The following STK38 variants were observed in gnomAD, a reference collection of about 807,000 sequenced individuals.
STK38 encodes serine/threonine-protein kinase 38.
A neutral mutation model predicts 59.0 loss-of-function variants in STK38; 26 were observed. That is an observed-to-expected ratio of 0.44 (90% CI 0.32 to 0.61). The LOEUF (loss-of-function observed/expected upper bound fraction) is 0.61, where lower values mean the gene tolerates loss of function less well. Ranked by LOEUF, STK38 falls within the 20% of genes least tolerant of loss-of-function variation. The pLI is 0.04. For synonymous variants in STK38, 175 were observed against 176.6 expected, an observed-to-expected ratio of 0.99 and a Z score of 0.07; for missense variants, 433 against 566.0, an observed-to-expected ratio of 0.76 and a Z score of 2.38.
At chr6:36,507,009 G>A (rs1000288928) in intron 8 of STK38, among the ~76,000 whole-genome samples, 1 of 152,150 alleles carries the variant, frequency 6.6e-6, no homozygotes, top group African/African-American at 2.4e-5. Flanking sequence ...TTTCCAAGTA[G>A]TAGTAACTTA....
intron 8 of STK38, 31 bp downstream of exon 8, chr6:36,507,469 C>T (rs531589322): frequency 1.4e-5 from 22 of 1,592,678 alleles, no homozygotes; most frequent in South Asian, 2.2e-5. Flanking sequence ...CCAGTTAGAA[C>T]GAAAAGGCTA....
intron 6 of STK38, among the ~76,000 whole-genome samples, 161 bp from the exon 7 acceptor site, chr6:36,515,653 A>T (rs907433670): frequency 1.3e-5 from 2 of 152,188 alleles, no homozygotes; most frequent in Non-Finnish European, 2.9e-5. Flanking sequence ...ATAGACCCAC[A>T]TGGCCAACAT....
At position 36,495,541 on chromosome 6, in the gene STK38, T is replaced by C. The variant is rs747566982; in HGVS notation, c.*243A>G. 30 of 403,694 alleles carry C rather than the reference T, an allele frequency of 7.4e-5. No homozygotes were observed. Among genetic ancestry groups the C allele is most frequent in the African/African-American group, 2.8e-4 (14 of 49,724 alleles). The allele number at this position is 403,694 out of a possible 1,614,324, so 25.0% of individuals were successfully genotyped here. The stretch of plus-strand genomic sequence containing the variant: ...TTAAAACACCTATCAAATTGGCTCA[T>C]GATGCTTCTCTTCCAAAGCAGGATA... On this transcript the variant is annotated 3_prime_UTR_variant, in exon 14 of 14. Transcript: ENST00000229812.
At chr6:36,506,525 C>A in intron 9 of STK38, 58 bp downstream of exon 9, 1 of 1,553,320 alleles carries the variant, frequency 6.4e-7, no homozygotes, top group Non-Finnish European at 8.8e-7. Flanking sequence ...ATGTGAAAAT[C>A]TTTTGAACTT....
chr6:36,511,550 G>T (rs549834248), intron 7 of STK38, among the ~76,000 whole-genome samples: 2 of 151,582 alleles, frequency 1.3e-5, no homozygotes, highest in Admixed American at 1.3e-4. Flanking sequence ...TAGAGACAGG[G>T]TTTTACCACC....
At position 36,494,803 on chromosome 6, in the gene STK38, A is replaced by C. The variant is rs546300326; in HGVS notation, c.*981T>G. 1 of 152,588 alleles carries C rather than the reference A, an allele frequency of 6.6e-6. No homozygotes were observed. Among genetic ancestry groups the C allele is most frequent in the East Asian group, 1.9e-4 (1 of 5,184 alleles). 9.5% of individuals were successfully genotyped at this position (152,588 alleles called of 1,614,324 possible). ...GTACTTCTATTGGGCTGGTTCCTTC[A>C]CCATTTCCAAAGGGGTTCTGGAGAC... On this transcript the variant is annotated 3_prime_UTR_variant, in exon 14 of 14. Coordinates refer to ENST00000229812, the MANE Select transcript of STK38 (RefSeq NM_007271.4).
chr6:36,543,095 C>T (rs890561864), intron 1 of STK38, among the ~76,000 whole-genome samples: 5 of 151,234 alleles, frequency 3.3e-5, no homozygotes, highest in Admixed American at 6.6e-5. Flanking sequence ...GACGAAGTCT[C>T]GCTCTGTCGC....
At chr6:36,497,730 TA>T in intron 12 of STK38, 49 bp downstream of exon 12, 1 of 1,457,844 alleles carries the variant, frequency 6.9e-7, no homozygotes, top group Non-Finnish European at 9.5e-7. Flanking sequence ...TATTATTAAG[TA>T]AACTAGAGAC....
chr6:36,527,911 AAC>A (rs930825682), intron 2 of STK38, among the ~76,000 whole-genome samples: 4 of 151,158 alleles, frequency 2.6e-5, no homozygotes, highest in African/African-American at 9.8e-5. Flanking sequence ...CATCCTGGCT[AAC>A]ACAGAGAAAC....
intron 2 of STK38, among the ~76,000 whole-genome samples, chr6:36,528,703 A>G (rs189187029): frequency 2.0e-5 from 3 of 152,370 alleles, no homozygotes; most frequent in Admixed American, 2.0e-4. Flanking sequence ...AAGTCAAAGC[A>G]TAACATGCTA....
chr6:36,495,470 G>T lies in STK38; in HGVS notation c.*314C>A. 3.5e-6 allele frequency: 1 copy of T among 284,250 alleles called. No homozygotes were observed. Among genetic ancestry groups the T allele is most frequent in the South Asian group, 4.2e-5 (1 of 24,064 alleles). The allele number at this position is 284,250 out of a possible 1,614,324, so 17.6% of individuals were successfully genotyped here. The stretch of plus-strand genomic sequence containing the variant: ...ATCTCAATAATGTTGGATGATGGCT[G>T]TTTTTCCCCTTCATTCTGATGAACT... On this transcript the variant is annotated 3_prime_UTR_variant, in exon 14 of 14. Transcript: ENST00000229812.
intron 9 of STK38, among the ~76,000 whole-genome samples, chr6:36,501,286 T>G (rs1776831587): frequency 6.6e-6 from 1 of 151,970 alleles, no homozygotes; most frequent in South Asian, 2.1e-4. Flanking sequence ...AGTATTCTAC[T>G]CTAACATACC....
Position 36,495,707 on chromosome 6 carries a change from C to A in STK38, c.*77G>T. Reference sequence around the variant, plus strand: ...GTGGGTTCCATCAACTTCTTGGAAGCTCTTCAAGAGTGTGAGAGGAAAAGC... The same window carrying A: ...GTGGGTTCCATCAACTTCTTGGAAGATCTTCAAGAGTGTGAGAGGAAAAGC... On this transcript the variant is annotated 3_prime_UTR_variant, in exon 14 of 14. Transcript: ENST00000229812. The A allele has an allele frequency of 6.3e-7, 1 of 1,580,554 alleles. No individual in the cohort carries two copies. The highest frequency in any genetic ancestry group is 8.6e-7 in the Non-Finnish European group (1 of 1,157,982).
At chr6:36,544,098 G>A (rs1778005034) in intron 1 of STK38, among the ~76,000 whole-genome samples, 2 of 151,978 alleles carry the variant, frequency 1.3e-5, no homozygotes, top group African/African-American at 2.4e-5. Flanking sequence ...AAAAAGATAC[G>A]CAGACAAAAA....
intron 2 of STK38, among the ~76,000 whole-genome samples, chr6:36,530,831 C>G (rs1246296925): frequency 6.6e-6 from 1 of 151,536 alleles, no homozygotes; most frequent in Admixed American, 6.6e-5. Flanking sequence ...CTGGGATTAC[C>G]GGCATATGCC....
intron 2 of STK38, among the ~76,000 whole-genome samples, chr6:36,528,848 T>C (rs1777600373): frequency 6.6e-6 from 1 of 152,236 alleles, no homozygotes; most frequent in Non-Finnish European, 1.5e-5. Flanking sequence ...CTATCCACTG[T>C]GTCACAAAAG....
chr6:36,525,849 AG>A (rs1044325870), intron 2 of STK38, among the ~76,000 whole-genome samples: 8 of 149,314 alleles, frequency 5.4e-5, no homozygotes, highest in Non-Finnish European at 1.2e-4. Flanking sequence ...TGGCGGGGGG[AG>A]GGGGGCAGGT....
chr6:36,514,154 C>CAA (rs762095229), intron 7 of STK38, among the ~76,000 whole-genome samples: 2,315 of 78,746 alleles, frequency 0.029, 47 homozygotes, highest in Non-Finnish European at 0.034. Flanking sequence ...GACTCCGTCT[C>CAA]AAAAAAAAAA....
chr6:36,496,049 T>A, intron 13 of STK38, 135 bp from the exon 14 acceptor site: 3 of 1,030,548 alleles, frequency 2.9e-6, no homozygotes, highest in Non-Finnish European at 4.1e-6. Context: ...ATGAATTTTT[T>A]TTTTTTTTTT....
Sources: gnomAD v4.1 joint callset for allele counts (sites outside exome capture counted in the v4.1 genomes callset) on GRCh38, gnomAD v4.1.1 for gene constraint, MANE v1.5 for transcripts, NCBI Gene and HGNC (gene_info 2026-07-23, HGNC 2026-07-21) for gene names.